MON1B: variants seen among roughly 807,000 people sequenced by gnomAD.
The protein encoded by MON1B is vacuolar fusion protein MON1 homolog B.
A neutral mutation model predicts 45.1 loss-of-function variants in MON1B; 26 were observed. The ratio of observed to expected loss-of-function variants is 0.58; its 90% CI spans 0.42 to 0.80. The LOEUF is 0.80. Ranked by LOEUF, MON1B falls within the 30% of genes least tolerant of loss-of-function variation. The probability of loss-of-function intolerance (pLI) is 0.00; values close to 1 mark genes in which losing one functional copy is unlikely to be tolerated. For missense variants in MON1B, 737 were observed against 754.5 expected (o/e 0.98, Z 0.27); for synonymous variants, 395 against 320.2 (o/e 1.23, Z -2.49).
intron 5 of MON1B, among the ~76,000 whole-genome samples, chr16:77,195,891 C>A (rs1326694641): frequency 6.6e-6 from 1 of 152,202 alleles, no homozygotes; most frequent in Non-Finnish European, 1.5e-5. Flanking sequence ...ACATTAGCCT[C>A]ACCCTCCTGT....
At position 77,191,572 on chromosome 16, in the gene MON1B, A is replaced by G. The variant is rs1296375535; in HGVS notation, c.87A>G (p.Arg29=). 3 of 1,609,378 alleles carry G rather than the reference A, an allele frequency of 1.9e-6. No homozygotes were observed. Among genetic ancestry groups the G allele is most frequent in the East Asian group, 2.2e-5 (1 of 44,818 alleles). The part of the protein sequence containing the change: ...EDTQFPSEEA[R]EGGGVHAVPP... ...CGCAGTTCCCCAGTGAGGAAGCTAG[A>G]GAAGGTGGAGGGGTTCACGCGGTCC... Residue 29 remains arginine, a synonymous_variant, in exon 2 of 6, where the codon AGA becomes AGG. Transcript: ENST00000248248.
Position 77,200,977 on chromosome 16 carries a change from C to G in MON1B, c.*2669C>G, listed in dbSNP as rs11862381. The G allele has an allele frequency of 6.6e-6, 1 of 152,104 alleles. No homozygotes were observed. Among genetic ancestry groups the G allele is most frequent in the African/African-American group, 2.4e-5 (1 of 41,398 alleles). 9.4% of individuals were successfully genotyped at this position (152,104 alleles called of 1,614,324 possible). On this transcript the variant is annotated 3_prime_UTR_variant, in exon 6 of 6. Coordinates refer to ENST00000248248, the MANE Select transcript of MON1B (RefSeq NM_014940.4). The stretch of plus-strand genomic sequence containing the variant: ...ACCCCTTTCTGCACACTCTTTAAAC[C>G]ACTGTATTAACAAACACATTAGACT...
intron 2 of MON1B, among the ~76,000 whole-genome samples, chr16:77,192,668 T>C (rs978897966): frequency 2.0e-5 from 3 of 151,894 alleles, no homozygotes; most frequent in Admixed American, 6.6e-5. Context: ...TGCTGGGTGT[T>C]AGTGGAGGTT....
chr16:77,201,278 T>C lies in MON1B; in HGVS notation c.*2970T>C, dbSNP rs376670102. The C allele has an allele frequency of 2.0e-5, 3 of 152,222 alleles. No homozygotes were observed. Among genetic ancestry groups the C allele is most frequent in the African/African-American group, 7.2e-5 (3 of 41,526 alleles). 9.4% of individuals were successfully genotyped at this position (152,222 alleles called of 1,614,324 possible). On this transcript the variant is annotated 3_prime_UTR_variant, in exon 6 of 6. Coordinates refer to ENST00000248248, the MANE Select transcript of MON1B (RefSeq NM_014940.4). ...CGGAAATAAGACAGATGCAAATAGA[T>C]CTCATTTATTAACTGTGTAATGCAG...
chr16:77,191,491 G>T lies in MON1B; in HGVS notation c.6G>T (p.Glu2Asp). 1 of 1,602,570 alleles carries T rather than the reference G, an allele frequency of 6.2e-7. No individual in the cohort carries two copies. The highest frequency in any genetic ancestry group is 2.2e-5 in the East Asian group (1 of 44,778). Reference protein sequence around the residue: MEVGGDTAAPAP... With the variant: MDVGGDTAAPAP... ...TCCCACTCAGGGATGTGCAGATGGA[G>T]GTCGGAGGAGACACTGCTGCCCCGG... The change falls in exon 2 of 6, where the codon GAG becomes GAT. Residue 2 changes from glutamate to aspartate, a missense_variant. By Grantham distance (45) the Glu-to-Asp change is conservative. Coordinates refer to ENST00000248248, the MANE Select transcript of MON1B (RefSeq NM_014940.4).
Position 77,194,763 on chromosome 16 carries a change from G to A in MON1B, c.904G>A (p.Ala302Thr). The A allele has an allele frequency of 3.1e-6, 5 of 1,613,930 alleles. No homozygotes were observed. The highest frequency in any genetic ancestry group is 4.2e-6 in the Non-Finnish European group (5 of 1,179,942). ...GCTGGCCGAGTGCCGGCTGGACCCA[G>A]CTGACCTGCAGTTGCTGCTCGACTG... is the stretch of plus-strand genomic sequence containing the variant. The part of the protein sequence containing the change: ...NVLAECRLDP[A>T]DLQLLLDWVG... Residue 302 changes from alanine (A) to threonine (T), a missense_variant, in exon 4 of 6, where the codon GCT becomes ACT. Physicochemically the swap from Ala to Thr is moderately conservative, Grantham distance 58. Coordinates refer to ENST00000248248, the MANE Select transcript of MON1B (RefSeq NM_014940.4). This position sits in a 1 kb window ranked among gnomAD's most constrained non-coding sequence, Gnocchi z 8.1.
rs2054730187 is a variant in MON1B at position 77,200,687 on chromosome 16, C to T, written c.*2379C>T. The stretch of plus-strand genomic sequence containing the variant: ...AGGGGAATTGCTTGAACCCGGGAGG[C>T]AGAGGTTATCGTGAGCTGACATTGC... On this transcript the variant is annotated 3_prime_UTR_variant, in exon 6 of 6. Coordinates refer to ENST00000248248, the MANE Select transcript of MON1B (RefSeq NM_014940.4). 1 of 139,168 alleles carries T rather than the reference C, an allele frequency of 7.2e-6. No individual in the cohort carries two copies. Among genetic ancestry groups the T allele is most frequent in the African/African-American group, 2.7e-5 (1 of 36,530 alleles). 8.6% of individuals were successfully genotyped at this position (139,168 alleles called of 1,614,324 possible).
Position 77,193,951 on chromosome 16 carries a change from C to T in MON1B, c.475+174C>T. ...GGTGGGGGGGTTCATCTCTGTCTGGCCTGCTGGTTTCTTAGTGATTGACTT... is the reference window on the plus strand; with the variant it reads ...GGTGGGGGGGTTCATCTCTGTCTGGTCTGCTGGTTTCTTAGTGATTGACTT... On this transcript the variant is annotated intron_variant, in intron 3 of 5. Coordinates refer to ENST00000248248, the MANE Select transcript of MON1B (RefSeq NM_014940.4). This position sits in a 1 kb window ranked among gnomAD's most constrained non-coding sequence, Gnocchi z 5.0. 1 of 660,208 alleles carries T rather than the reference C, an allele frequency of 1.5e-6. No individual in the cohort carries two copies. Among genetic ancestry groups the T allele is most frequent in the Non-Finnish European group, 2.6e-6 (1 of 391,624 alleles). 40.9% of individuals were successfully genotyped at this position (660,208 alleles called of 1,614,324 possible).
rs1205666825 is a variant in MON1B, at chr16:77,200,467, C to T, written c.*2159C>T. The T allele has an allele frequency of 6.7e-6, 1 of 148,638 alleles. No individual in the cohort carries two copies. The highest frequency in any genetic ancestry group is 1.5e-5 in the Non-Finnish European group (1 of 67,006). 9.2% of individuals were successfully genotyped at this position (148,638 alleles called of 1,614,324 possible). A position where few individuals can be genotyped will look rare whatever the true frequency, so the allele number is the denominator to read the frequency against. ...ACTCCGTCTCAAAAGAAAAAAAATT[C>T]TCCCTTGGCCGGGCTTGGTGGCTTA... On this transcript the variant is annotated 3_prime_UTR_variant, in exon 6 of 6. Coordinates refer to ENST00000248248, the MANE Select transcript of MON1B (RefSeq NM_014940.4).
Position 77,198,272 on chromosome 16 carries a change from C to T in MON1B, c.1608C>T (p.Asp536=). 1 of 1,614,206 alleles carries T rather than the reference C, an allele frequency of 6.2e-7. No homozygotes were observed. The highest frequency in any genetic ancestry group is 8.5e-7 in the Non-Finnish European group (1 of 1,180,038). The change falls in exon 6 of 6, where the codon GAC becomes GAT. Residue 536 remains aspartate (D), a synonymous_variant. Coordinates refer to ENST00000248248, the MANE Select transcript of MON1B (RefSeq NM_014940.4). ...CCACACCACCAGCCACCTCTACGGA[C>T]CAAGCTGCCCATAATGGCTTGTTCA... The part of the protein sequence containing the change: ...KYSTPPATST[D]QAAHNGLFTG...
At position 77,194,450 on chromosome 16, in the gene MON1B, C is replaced by A; in HGVS notation, c.591C>A (p.Ile197=). Residue 197 remains isoleucine, a synonymous_variant, in exon 4 of 6, where the codon ATC becomes ATA. Transcript: ENST00000248248. The surrounding 1 kb of genome is among the most constrained non-coding windows in gnomAD (Gnocchi z 8.1). ...RGELLAVHAQ[I]VSTLTRASVA... is the part of the protein sequence containing the mutation. ...AGCTGCTAGCTGTGCACGCACAGATCGTGAGCACACTTACACGTGCAAGTG... is the reference window on the plus strand; with the variant it reads ...AGCTGCTAGCTGTGCACGCACAGATAGTGAGCACACTTACACGTGCAAGTG... 3.7e-6 allele frequency: 6 copies of A among 1,614,062 alleles called. No homozygotes were observed. The highest frequency in any genetic ancestry group is 5.1e-6 in the Non-Finnish European group (6 of 1,180,012).
chr16:77,200,286 A>ATG lies in MON1B; in HGVS notation c.*1979_*1980insGT, dbSNP rs1567423047. ...TATATATATATGTGTATATATATAT[A>ATG]TATATACACACACTAATCAGCCGGG... On this transcript the variant is annotated 3_prime_UTR_variant, in exon 6 of 6. Coordinates refer to ENST00000248248, the MANE Select transcript of MON1B (RefSeq NM_014940.4). The ATG allele has an allele frequency of 1.1e-4, 13 of 120,906 alleles. No homozygotes were observed. Among genetic ancestry groups the ATG allele is most frequent in the South Asian group, 5.2e-4 (2 of 3,820 alleles). 7.5% of individuals were successfully genotyped at this position (120,906 alleles called of 1,614,324 possible). A position where few individuals can be genotyped will look rare whatever the true frequency, so the allele number is the denominator to read the frequency against.
intron 5 of MON1B, among the ~76,000 whole-genome samples, chr16:77,197,240 A>G (rs2054674019): frequency 6.6e-6 from 1 of 151,596 alleles, no homozygotes; most frequent in Admixed American, 6.6e-5. Flanking sequence ...TACTAAAAAT[A>G]CAAAAAATTA....
Position 77,194,037 on chromosome 16 carries a change from C to A in MON1B, c.475+260C>A. ...TCACCTGAGAGGATAACTGTGGGGG[C>A]TGTGTGGTTGAGCTGTGTCTTTCTG... On this transcript the variant is annotated intron_variant, in intron 3 of 5. Transcript: ENST00000248248. The surrounding 1 kb of genome is among the most constrained non-coding windows in gnomAD (Gnocchi z 8.1). 1 of 600,034 alleles carries A rather than the reference C, an allele frequency of 1.7e-6. No individual in the cohort carries two copies. The allele number at this position is 600,034 out of a possible 1,614,324, so 37.2% of individuals were successfully genotyped here.
rs1213956459 is a variant in MON1B, at chr16:77,191,617, G to A, written c.132G>A (p.Glu44=). The change falls in exon 2 of 6, where the codon GAG becomes GAA. Residue 44 remains glutamate (E), a synonymous_variant. Coordinates refer to ENST00000248248, the MANE Select transcript of MON1B (RefSeq NM_014940.4). ...VHAVPPDPED[E]GLEETGSKDK... is the part of the protein sequence containing the mutation. ...CGGTCCCGCCGGATCCCGAAGACGA[G>A]GGCCTGGAGGAAACAGGTATGACTC... 1.9e-6 allele frequency: 3 copies of A among 1,610,746 alleles called. No homozygotes were observed. The highest frequency in any genetic ancestry group is 2.5e-6 in the Non-Finnish European group (3 of 1,179,112).
chr16:77,191,300 C>T, intron 1 of MON1B, 42 bp downstream of exon 1: 2 of 1,538,590 alleles, frequency 1.3e-6, no homozygotes, highest in Non-Finnish European at 8.8e-7. Flanking sequence ...GTAGAGTCTC[C>T]TCTTTTCGGA....
intron 5 of MON1B, among the ~76,000 whole-genome samples, chr16:77,196,336 A>C (rs2142501339): frequency 6.7e-6 from 1 of 149,776 alleles, no homozygotes; most frequent in East Asian, 1.9e-4. Flanking sequence ...CTTTAGACTT[A>C]GAAGCTGCAA....
Position 77,201,522 on chromosome 16 carries a change from C to G in MON1B, c.*3214C>G, listed in dbSNP as rs1250466248. On this transcript the variant is annotated 3_prime_UTR_variant, in exon 6 of 6. Transcript: ENST00000248248. ...CCTGCCTCAGGGAAGAGAGCTGACTCAAAGTAAAGGCTTTGCTAGAGGCAG... is the reference window on the plus strand; with the variant it reads ...CCTGCCTCAGGGAAGAGAGCTGACTGAAAGTAAAGGCTTTGCTAGAGGCAG... 2 of 152,182 alleles carry G rather than the reference C, an allele frequency of 1.3e-5. No individual in the cohort carries two copies. Among genetic ancestry groups the G allele is most frequent in the Admixed American group, 1.3e-4 (2 of 15,274 alleles). The allele number at this position is 152,182 out of a possible 1,614,324, so 9.4% of individuals were successfully genotyped here.
intron 4 of MON1B, 111 bp downstream of exon 4, chr16:77,195,265 A>G: frequency 2.6e-6 from 3 of 1,163,368 alleles, no homozygotes; most frequent in Admixed American, 2.8e-5. Context: ...CTTAAGAAAG[A>G]GGGAAGAGAA....
Sources: gnomAD v4.1 joint callset for allele counts (sites outside exome capture counted in the v4.1 genomes callset) on GRCh38, gnomAD v4.1.1 for gene constraint, Gnocchi (gnomAD v3.1) non-coding constraint, MANE v1.5 for transcripts, NCBI Gene and HGNC (gene_info 2026-07-23, HGNC 2026-07-21) for gene names.